PRR16: variants seen among roughly 807,000 people sequenced by gnomAD.
PRR16 encodes proline rich 16.
A neutral mutation model predicts 18.2 loss-of-function variants in PRR16; 6 were observed. The observed-to-expected ratio is 0.33, with a 90% CI of 0.18 to 0.65. PRR16 has a LOEUF of 0.65. PRR16 is among the 30% of genes least tolerant of loss of function. PRR16 has a pLI of 0.74. For missense variants in PRR16, 412 were observed against 376.6 expected (o/e 1.09, Z -0.78); for synonymous variants, 151 against 147.8 (o/e 1.02, Z -0.16).
chr5:120,487,830 C>A (rs188294953), intron 1 of PRR16, among the ~76,000 whole-genome samples: 20 of 152,014 alleles, frequency 1.3e-4, no homozygotes, highest in Non-Finnish European at 2.6e-4. Flanking sequence ...CCAACAGTAC[C>A]GAATTTATTG....
chr5:120,492,450 C>G (rs756983661), intron 1 of PRR16, among the ~76,000 whole-genome samples: 1 of 151,922 alleles, frequency 6.6e-6, no homozygotes, highest in Non-Finnish European at 1.5e-5. Context: ...TTCAGTTTTC[C>G]AAGGATAATT....
chr5:120,653,920 A>G (rs1755877212), intron 1 of PRR16, among the ~76,000 whole-genome samples: 1 of 151,996 alleles, frequency 6.6e-6, no homozygotes, highest in African/African-American at 2.4e-5. Flanking sequence ...AAACTCCTAA[A>G]CAAGACTATG....
intron 1 of PRR16, among the ~76,000 whole-genome samples, chr5:120,560,495 CATG>C (rs1752542267): frequency 6.6e-6 from 1 of 151,820 alleles, no homozygotes; most frequent in Non-Finnish European, 1.5e-5. Flanking sequence ...CACACTTGGT[CATG>C]ATAATTGATG....
chr5:120,564,598 A>C (rs1466650500), intron 1 of PRR16, among the ~76,000 whole-genome samples: 1 of 152,110 alleles, frequency 6.6e-6, no homozygotes, highest in Non-Finnish European at 1.5e-5. Context: ...CCAAGTACAC[A>C]GACTTTCCAC....
the PRR16 span, among the ~76,000 whole-genome samples, chr5:120,766,307 G>A: frequency 2.9e-4 from 44 of 151,920 alleles, 1 homozygote; most frequent in Admixed American, 2.6e-3. Context: ...GTATGTAGTG[G>A]TATCATGTTG....
chr5:120,766,168 A>G, the PRR16 span, among the ~76,000 whole-genome samples: 2 of 152,046 alleles, frequency 1.3e-5, no homozygotes, highest in Non-Finnish European at 2.9e-5. Flanking sequence ...GCTTAAGTAC[A>G]TACTTCAAAT....
At chr5:120,657,735 C>T (rs1312751523) in intron 1 of PRR16, among the ~76,000 whole-genome samples, 4 of 151,840 alleles carry the variant, frequency 2.6e-5, no homozygotes, top group African/African-American at 9.7e-5. Context: ...TTTATTCTGC[C>T]TTCCCAAGGA....
At chr5:120,711,274 C>T in the PRR16 span, among the ~76,000 whole-genome samples, 1 of 152,108 alleles carries the variant, frequency 6.6e-6, no homozygotes. Context: ...CATCATTGTG[C>T]CTAACACAAC....
At chr5:120,487,347 T>C (rs1435626324) in intron 1 of PRR16, among the ~76,000 whole-genome samples, 2 of 152,198 alleles carry the variant, frequency 1.3e-5, no homozygotes, top group Admixed American at 1.3e-4. Context: ...TAGTTCTCCT[T>C]GAAGAGGTCC....
chr5:120,768,350 C>T, the PRR16 span, among the ~76,000 whole-genome samples: 1 of 151,610 alleles, frequency 6.6e-6, no homozygotes, highest in Non-Finnish European at 1.5e-5. Context: ...ATAAATTATT[C>T]ATTTTAATCC....
At chr5:120,646,266 C>G (rs1755599427) in intron 1 of PRR16, among the ~76,000 whole-genome samples, 1 of 151,418 alleles carries the variant, frequency 6.6e-6, no homozygotes, top group South Asian at 2.1e-4. Flanking sequence ...ATCTATCATA[C>G]CAGGATTATT....
chr5:120,667,072 G>A (rs1756406498), intron 1 of PRR16, among the ~76,000 whole-genome samples: 2 of 151,962 alleles, frequency 1.3e-5, no homozygotes. Flanking sequence ...GAATTCGGCT[G>A]TGAATCCATC....
chr5:120,732,020 G>A, the PRR16 span, among the ~76,000 whole-genome samples: 1 of 152,100 alleles, frequency 6.6e-6, no homozygotes, highest in Admixed American at 6.5e-5. Context: ...CCTGGACTGG[G>A]CTTTGCTTTC....
At chr5:120,511,815 A>C (rs1321279076) in intron 1 of PRR16, among the ~76,000 whole-genome samples, 1 of 152,060 alleles carries the variant, frequency 6.6e-6, no homozygotes, top group Non-Finnish European at 1.5e-5. Context: ...TCGAATAACA[A>C]GACAAAGAGA....
At chr5:120,758,276 G>A in the PRR16 span, among the ~76,000 whole-genome samples, 1 of 149,756 alleles carries the variant, frequency 6.7e-6, no homozygotes, top group Non-Finnish European at 1.5e-5. Flanking sequence ...TTCATAATAA[G>A]TGAAAGTAAT....
At chr5:120,682,549 A>G (rs1400009600) in intron 1 of PRR16, among the ~76,000 whole-genome samples, 1 of 152,206 alleles carries the variant, frequency 6.6e-6, no homozygotes, top group African/African-American at 2.4e-5. Flanking sequence ...AATCAGCTTC[A>G]CTGCCCTCCT....
At chr5:120,758,905 C>T in the PRR16 span, among the ~76,000 whole-genome samples, 2 of 150,782 alleles carry the variant, frequency 1.3e-5, no homozygotes, top group Non-Finnish European at 3.0e-5. Flanking sequence ...TCCTTTTGAA[C>T]ATTCTTGCTG....
At chr5:120,744,568 A>G in the PRR16 span, among the ~76,000 whole-genome samples, 2 of 152,230 alleles carry the variant, frequency 1.3e-5, no homozygotes, top group Non-Finnish European at 2.9e-5. Context: ...CTGGCCCAGC[A>G]GTTACAATAT....
chr5:120,489,461 A>G (rs1339485208), intron 1 of PRR16, among the ~76,000 whole-genome samples: 1 of 152,100 alleles, frequency 6.6e-6, no homozygotes, highest in African/African-American at 2.4e-5. Flanking sequence ...TTTATCAGAG[A>G]CTAGGATTGC....
Sources: gnomAD v4.1 joint callset for allele counts (sites outside exome capture counted in the v4.1 genomes callset) on GRCh38, gnomAD v4.1.1 for gene constraint, MANE v1.5 for transcripts, NCBI Gene and HGNC (gene_info 2026-07-23, HGNC 2026-07-21) for gene names.